The following DAPK2 variants were observed in gnomAD, a reference collection of about 807,000 sequenced individuals.
DAPK2 encodes death-associated protein kinase 2.
Under a neutral mutation model 44.1 loss-of-function variants are expected in DAPK2, and 35 were observed. That is an observed-to-expected ratio of 0.79 (90% CI 0.61 to 1.05). The LOEUF is 1.05. Ranked by LOEUF, DAPK2 falls within the 50% of genes least tolerant of loss-of-function variation. The pLI is 0.00. For missense variants in DAPK2, 453 were observed against 483.2 expected (o/e 0.94, Z 0.59); for synonymous variants, 174 against 182.6 (o/e 0.95, Z 0.38).
At chr15:63,929,561 T>C (rs750903042) in exon 6 of DAPK2, 9 of 1,614,158 alleles carry the variant, frequency 5.6e-6, no homozygotes, top group Non-Finnish European at 7.6e-6. Context: ...AGGATGTAGG[T>C]GATGACGCCT....
chr15:63,935,444 T>G (rs1308477098), intron 4 of DAPK2: 2 of 152,166 alleles, frequency 1.3e-5, no homozygotes, highest in Non-Finnish European at 2.9e-5. Flanking sequence ...TACTTTTTAT[T>G]TTTCCTCAGC....
At chr15:63,931,946 C>T (rs2076965689) in intron 4 of DAPK2, among the ~76,000 whole-genome samples, 2 of 152,076 alleles carry the variant, frequency 1.3e-5, no homozygotes, top group South Asian at 4.2e-4. Context: ...AGGTGGATCA[C>T]TTGATGTCAA....
At chr15:63,982,315 C>G (rs527651417) in intron 2 of DAPK2, among the ~76,000 whole-genome samples, 86 of 151,876 alleles carry the variant, frequency 5.7e-4, no homozygotes, top group Non-Finnish European at 1.2e-3. Flanking sequence ...TTCAGCCTCC[C>G]GAGTAGCTGG....
At chr15:63,967,776 T>G (rs1476321788) in intron 3 of DAPK2, among the ~76,000 whole-genome samples, 2 of 152,184 alleles carry the variant, frequency 1.3e-5, no homozygotes, top group African/African-American at 4.8e-5. Flanking sequence ...TGACTGTCCA[T>G]TGCACAATGG....
intron 3 of DAPK2, among the ~76,000 whole-genome samples, chr15:63,967,054 C>G (rs958552613): frequency 6.6e-6 from 1 of 151,988 alleles, no homozygotes; most frequent in Admixed American, 6.5e-5. Flanking sequence ...GTGGTGGGTG[C>G]CTGTAGTCCC....
chr15:63,920,160 T>A (rs79859761), intron 8 of DAPK2: 2 of 152,188 alleles, frequency 1.3e-5, no homozygotes, highest in African/African-American at 4.8e-5. Flanking sequence ...CGGGAGAGGA[T>A]AGTACTGTTT....
intron 3 of DAPK2, among the ~76,000 whole-genome samples, chr15:63,956,306 C>G (rs527600331): frequency 6.6e-6 from 1 of 152,048 alleles, no homozygotes; most frequent in East Asian, 1.9e-4. Flanking sequence ...CTGTTCTGAT[C>G]TTTATTATTT....
At chr15:63,981,930 T>G (rs1226052020) in intron 2 of DAPK2, among the ~76,000 whole-genome samples, 1 of 152,218 alleles carries the variant, frequency 6.6e-6, no homozygotes, top group African/African-American at 2.4e-5. Flanking sequence ...TGCAAGAGTA[T>G]GCAAATGTCC....
At chr15:63,948,008 C>T (rs1005293399) in intron 3 of DAPK2, among the ~76,000 whole-genome samples, 3 of 152,076 alleles carry the variant, frequency 2.0e-5, no homozygotes, top group Non-Finnish European at 4.4e-5. Context: ...TGGCTCACGC[C>T]TATAATCCCA....
At chr15:63,922,841 C>A (rs1312206377) in intron 8 of DAPK2, 5 of 1,535,920 alleles carry the variant, frequency 3.3e-6, no homozygotes, top group Non-Finnish European at 4.4e-6. Flanking sequence ...GCCCTCAGAG[C>A]TCCCACTCTC....
intron 2 of DAPK2, among the ~76,000 whole-genome samples, chr15:63,979,418 C>A (rs2078441329): frequency 6.6e-6 from 1 of 152,188 alleles, no homozygotes; most frequent in Non-Finnish European, 1.5e-5. Context: ...CAGGCGGAAG[C>A]CCTGCACCAG....
intron 1 of DAPK2, among the ~76,000 whole-genome samples, chr15:64,004,211 T>C (rs1261277937): frequency 6.6e-6 from 1 of 152,224 alleles, no homozygotes; most frequent in East Asian, 1.9e-4. Flanking sequence ...TGGATTTTAT[T>C]GGCCACTTCC....
At chr15:64,024,211 C>A (rs1020843716) in intron 1 of DAPK2, among the ~76,000 whole-genome samples, 3 of 152,154 alleles carry the variant, frequency 2.0e-5, no homozygotes, top group African/African-American at 7.2e-5. Context: ...ATCCTTCAAC[C>A]AGTCTCAGTG....
chr15:63,978,248 A>C (rs2078408680), intron 2 of DAPK2, among the ~76,000 whole-genome samples: 2 of 152,200 alleles, frequency 1.3e-5, no homozygotes, highest in Admixed American at 6.5e-5. Flanking sequence ...CCTCTGAAAC[A>C]CACAGAACCC....
At chr15:64,008,259 T>C (rs1158696563) in intron 1 of DAPK2, among the ~76,000 whole-genome samples, 1 of 152,186 alleles carries the variant, frequency 6.6e-6, no homozygotes, top group Non-Finnish European at 1.5e-5. Context: ...TTTCACCAGG[T>C]GATATCAACT....
chr15:63,923,617 A>G lies in DAPK2; in HGVS notation c.858+1199T>C, dbSNP rs1158101635. Among the ~76,000 whole-genome samples, 1 of 152,226 alleles carries G rather than the reference A, an allele frequency of 6.6e-6. No homozygotes were observed. The highest frequency in any genetic ancestry group is 1.5e-5 in the Non-Finnish European group (1 of 68,030). On this transcript the variant is annotated intron_variant, in intron 8 of 10. Coordinates refer to ENST00000261891, the Ensembl canonical transcript of DAPK2. The surrounding 1 kb of genome is among the most constrained non-coding windows in gnomAD (Gnocchi z 4.2). ...TAGCATTTAAGGGGTGCTCACGCAG[A>G]CAAGCAGGCTGCAGCCAGGACTCCG... is the stretch of plus-strand genomic sequence containing the variant.
At chr15:63,935,080 C>T (rs1489725051) in intron 4 of DAPK2, among the ~76,000 whole-genome samples, 1 of 130,670 alleles carries the variant, frequency 7.7e-6, no homozygotes, top group Admixed American at 8.1e-5. Context: ...TTTCTTAAAT[C>T]TTTGCCTTCT....
Position 63,922,868 on chromosome 15 carries a change from A to T in DAPK2, c.858+1948T>A, listed in dbSNP as rs943759113. On this transcript the variant is annotated intron_variant, in intron 8 of 10. Transcript: ENST00000261891. ...CCCACTCTCCAGCTGGAAGCTGCCC[A>T]CCAGCTCCTGAATCCACTGCAGGTC... 2.6e-6 allele frequency: 4 copies of T among 1,535,874 alleles called. No homozygotes were observed. In the East Asian group the frequency reaches 9.8e-5, roughly 38 times the overall value.
chr15:63,942,548 T>C (rs183103002), intron 3 of DAPK2, among the ~76,000 whole-genome samples: 1 of 150,714 alleles, frequency 6.6e-6, no homozygotes, highest in African/African-American at 2.4e-5. Context: ...TGAGACTCCA[T>C]CTCAAAAAAA....
Sources: gnomAD v4.1 joint callset for allele counts (sites outside exome capture counted in the v4.1 genomes callset) on GRCh38, gnomAD v4.1.1 for gene constraint, Gnocchi (gnomAD v3.1) non-coding constraint, MANE v1.5 for transcripts, NCBI Gene and HGNC (gene_info 2026-07-23, HGNC 2026-07-21) for gene names.